Variants in PISD observed in about 807,000 individuals in gnomAD.
PISD encodes the protein phosphatidylserine decarboxylase.
A neutral mutation model predicts 43.5 loss-of-function variants in PISD; 31 were observed. The ratio of observed to expected loss-of-function variants is 0.71; its 90% CI spans 0.54 to 0.96. The LOEUF (loss-of-function observed/expected upper bound fraction) is 0.96, where lower values mean the gene tolerates loss of function less well. PISD is among the 40% of genes least tolerant of loss of function. PISD has a pLI of 0.00. For missense variants in PISD, 523 were observed against 548.4 expected, an observed-to-expected ratio of 0.95 and a Z score of 0.46; for synonymous variants, 259 against 228.7, an observed-to-expected ratio of 1.13 and a Z score of -1.20.
At chr22:31,638,806 A>G (rs73162104) in intron 3 of PISD, 20,502 of 117,728 alleles carry the variant, frequency 0.17, 1,747 homozygotes, top group African/African-American at 0.31. Flanking sequence ...TTTCTTTTCC[A>G]TTTTTTTTTT....
chr22:31,639,770 T>C (rs1428880734), intron 3 of PISD, among the ~76,000 whole-genome samples: 1 of 152,140 alleles, frequency 6.6e-6, no homozygotes, highest in South Asian at 2.1e-4. Flanking sequence ...GATCTGTACC[T>C]GGTAGCCACC....
At chr22:31,623,930 G>C in intron 3 of PISD, 1 of 1,342,172 alleles carries the variant, frequency 7.5e-7, no homozygotes, top group Non-Finnish European at 1.0e-6. Flanking sequence ...CTGCACCCAG[G>C]GCAGGATTCC....
chr22:31,662,473 AT>A (rs2074350360), upstream of PISD: 4 of 523,458 alleles, frequency 7.6e-6, no homozygotes, highest in Non-Finnish European at 1.4e-5. Context: ...GCCTTTCCTC[AT>A]GTACCTGGAA....
At chr22:31,652,439 G>A (rs566451698) in intron 1 of PISD, among the ~76,000 whole-genome samples, 78 of 152,034 alleles carry the variant, frequency 5.1e-4, no homozygotes, top group Middle Eastern at 3.4e-3. Flanking sequence ...CCCAAGTTAT[G>A]TCTTGTATAG....
At chr22:31,636,965 C>T (rs2073461491) in intron 3 of PISD, among the ~76,000 whole-genome samples, 2 of 151,276 alleles carry the variant, frequency 1.3e-5, no homozygotes, top group Admixed American at 6.6e-5. Context: ...TGTGAGCCAC[C>T]GCGCCCAACC....
At chr22:31,654,811 C>T (rs886136498) in intron 1 of PISD, among the ~76,000 whole-genome samples, 3 of 152,124 alleles carry the variant, frequency 2.0e-5, no homozygotes, top group Non-Finnish European at 2.9e-5. Context: ...CGTGGTGGCT[C>T]ACACCTGTAA....
At chr22:31,638,562 G>A in intron 3 of PISD, 1 of 984,910 alleles carries the variant, frequency 1.0e-6, no homozygotes, top group Non-Finnish European at 1.2e-6. Flanking sequence ...GGGTAGTAAG[G>A]ACACCCGCAG....
chr22:31,636,958 G>A (rs994939513), intron 3 of PISD, among the ~76,000 whole-genome samples: 1 of 151,334 alleles, frequency 6.6e-6, no homozygotes, highest in Non-Finnish European at 1.5e-5. Context: ...TTACAGGTGT[G>A]AGCCACCGCG....
At chr22:31,659,751 C>T (rs1317669017) in intron 1 of PISD, among the ~76,000 whole-genome samples, 1 of 151,976 alleles carries the variant, frequency 6.6e-6, no homozygotes, top group African/African-American at 2.4e-5. Context: ...GCCACCACAC[C>T]CGGCTAATTT....
At chr22:31,643,307 G>A (rs1262187814) in intron 3 of PISD, among the ~76,000 whole-genome samples, 1 of 152,104 alleles carries the variant, frequency 6.6e-6, no homozygotes, top group Non-Finnish European at 1.5e-5. Context: ...AGCATGCCAA[G>A]ACCATTCAAT....
At chr22:31,620,448 G>T in intron 7 of PISD, 105 bp downstream of exon 7, 1 of 1,137,170 alleles carries the variant, frequency 8.8e-7, no homozygotes, top group Non-Finnish European at 1.3e-6. Flanking sequence ...CAGAGCTGTG[G>T]CCTCCCTAGA....
chr22:31,650,890 T>C (rs2074012710), intron 1 of PISD, 112 bp from the exon 2 acceptor site: 2 of 640,392 alleles, frequency 3.1e-6, no homozygotes, highest in Admixed American at 2.9e-5. Flanking sequence ...GTAAATGTCT[T>C]GGTTTTGACA....
chr22:31,648,194 C>A lies in PISD; in HGVS notation c.228G>T (p.Gly76=). The part of the protein sequence containing the change: ...PLPILLVTGG[G]YAGYRQYEKY... Reference sequence around the variant, plus strand: ...TCTCATACTGCCGGTACCCTGCATACCCGCCGCCTGTCACCAACAGAATGG... The same window carrying A: ...TCTCATACTGCCGGTACCCTGCATAACCGCCGCCTGTCACCAACAGAATGG... The change falls in exon 3 of 8, where the codon GGG becomes GGT. Residue 76 remains glycine (G), a synonymous_variant. Transcript: ENST00000439502. The A allele has an allele frequency of 6.2e-7, 1 of 1,612,440 alleles. No homozygotes were observed. Among genetic ancestry groups the A allele is most frequent in the Non-Finnish European group, 8.5e-7 (1 of 1,179,734 alleles).
intron 3 of PISD, chr22:31,625,495 G>A (rs1402577801): frequency 3.4e-5 from 20 of 580,016 alleles, no homozygotes; most frequent in Non-Finnish European, 5.9e-5. Context: ...GGAGCACCAG[G>A]GTAGGGAAGA....
At chr22:31,620,734 G>T in intron 6 of PISD, 21 bp from the exon 7 acceptor site, 1 of 1,613,426 alleles carries the variant, frequency 6.2e-7, no homozygotes, top group Non-Finnish European at 8.5e-7. Flanking sequence ...AGGGAATGCC[G>T]CTACTCCCCG....
intron 3 of PISD, among the ~76,000 whole-genome samples, chr22:31,635,253 C>T (rs1438108826): frequency 6.6e-6 from 1 of 152,184 alleles, no homozygotes; most frequent in Non-Finnish European, 1.5e-5. Flanking sequence ...TATCTTGAGT[C>T]GGCCATCCCT....
chr22:31,644,416 T>C (rs1304879016), intron 3 of PISD, among the ~76,000 whole-genome samples: 1 of 151,716 alleles, frequency 6.6e-6, no homozygotes, highest in Non-Finnish European at 1.5e-5. Flanking sequence ...ATTTTTTGTA[T>C]TTTTAGTAGA....
chr22:31,619,180 T>A lies in PISD; in HGVS notation c.*432A>T. The A allele has an allele frequency of 3.3e-6, 1 of 302,284 alleles. No individual in the cohort carries two copies. Among genetic ancestry groups the A allele is most frequent in the Non-Finnish European group, 6.5e-6 (1 of 153,744 alleles). 18.7% of individuals were successfully genotyped at this position (302,284 alleles called of 1,614,324 possible). On this transcript the variant is annotated 3_prime_UTR_variant, in exon 8 of 8. Transcript: ENST00000439502. The stretch of plus-strand genomic sequence containing the variant: ...CCACAGTCTGTGCCAAGGAGGCACC[T>A]CACCCTGTGCAGCAGGAGCGTTAAG...
At position 31,621,701 on chromosome 22, in the gene PISD, A is replaced by G; in HGVS notation, c.506T>C (p.Phe169Ser). 6.2e-7 allele frequency: 1 copy of G among 1,614,020 alleles called. No individual in the cohort carries two copies. Among genetic ancestry groups the G allele is most frequent in the Non-Finnish European group, 8.5e-7 (1 of 1,180,016 alleles). ...LHHYRNLSEF[F>S]RRKLKPQARP... ...GGCCTGCGGCTTCAGCTTGCGCCGG[A>G]AGAACTCGCTGAGGTTGCGGTAGTG... The change falls in exon 4 of 8, where the codon TTC becomes TCC. Residue 169 changes from phenylalanine to serine, a missense_variant. Transcript: ENST00000439502.
Sources: gnomAD v4.1 joint callset for allele counts (sites outside exome capture counted in the v4.1 genomes callset) on GRCh38, gnomAD v4.1.1 for gene constraint, MANE v1.5 for transcripts, NCBI Gene and HGNC (gene_info 2026-07-23, HGNC 2026-07-21) for gene names.